CDH10: variants seen among roughly 807,000 people sequenced by gnomAD.
CDH10 encodes cadherin-10.
Under a neutral mutation model 73.1 loss-of-function variants are expected in CDH10, and 30 were observed. The observed-to-expected ratio is 0.41, with a 90% CI of 0.31 to 0.56. CDH10 has a LOEUF of 0.56. CDH10 is among the 20% of genes least tolerant of loss of function. The probability of loss-of-function intolerance (pLI) is 0.27; values close to 1 mark genes in which losing one functional copy is unlikely to be tolerated. For synonymous variants in CDH10, 345 were observed against 348.2 expected, an observed-to-expected ratio of 0.99 and a Z score of 0.10; for missense variants, 815 against 973.7, an observed-to-expected ratio of 0.84 and a Z score of 2.17.
At chr5:24,627,318 C>T (rs182604827) in intron 1 of CDH10, among the ~76,000 whole-genome samples, 2 of 151,986 alleles carry the variant, frequency 1.3e-5, no homozygotes, top group Non-Finnish European at 2.9e-5. Flanking sequence ...TAAAATATGA[C>T]ATATTTGGTG....
At chr5:24,564,131 AAT>A (rs1745080100) in intron 2 of CDH10, among the ~76,000 whole-genome samples, 1 of 152,280 alleles carries the variant, frequency 6.6e-6, no homozygotes, top group East Asian at 1.9e-4. Context: ...ATATCTCTGT[AAT>A]ATGTGTATTC....
At chr5:24,583,994 G>C (rs1317361316) in intron 2 of CDH10, among the ~76,000 whole-genome samples, 1 of 152,036 alleles carries the variant, frequency 6.6e-6, no homozygotes, top group Non-Finnish European at 1.5e-5. Context: ...TCTAATCCTG[G>C]AGTCATACGT....
At chr5:24,561,485 C>T (rs1034555151) in intron 2 of CDH10, among the ~76,000 whole-genome samples, 7 of 152,064 alleles carry the variant, frequency 4.6e-5, no homozygotes, top group Admixed American at 2.6e-4. Flanking sequence ...GGTAATTTGC[C>T]TGGCAATTAG....
rs1325253604 is a variant in CDH10, at chr5:24,542,378, C to T, written c.232-4704G>A. Among the ~76,000 whole-genome samples the T allele has an allele frequency of 3.3e-5, 5 of 152,194 alleles. No homozygotes were observed. The East Asian group carries it at 9.7e-4, about 29-fold the overall frequency. On this transcript the variant is annotated intron_variant, in intron 2 of 11. Coordinates refer to ENST00000264463, the MANE Select transcript of CDH10 (RefSeq NM_006727.5). ...GACAGATTGCATAGACAACAGCAGT[C>T]CCATAAGTTTATAATACTGTATTTT...
chr5:24,554,100 G>GC (rs1277922587), intron 2 of CDH10: 1 of 59,860 alleles, frequency 1.7e-5, no homozygotes, highest in Non-Finnish European at 3.4e-5. Flanking sequence ...AGAGAGAGAA[G>GC]GGGAGGTGGG....
At chr5:24,565,185 GGGA>G (rs1412094247) in intron 2 of CDH10, among the ~76,000 whole-genome samples, 1 of 152,142 alleles carries the variant, frequency 6.6e-6, no homozygotes, top group Non-Finnish European at 1.5e-5. Flanking sequence ...AGAAGAAAAA[GGGA>G]GGAGGAAAGA....
intron 5 of CDH10, among the ~76,000 whole-genome samples, chr5:24,521,024 G>A (rs1743310248): frequency 2.0e-5 from 3 of 151,968 alleles, no homozygotes; most frequent in African/African-American, 7.2e-5. Context: ...TTTTCAAGTT[G>A]AGAATTTAAA....
intron 5 of CDH10, among the ~76,000 whole-genome samples, chr5:24,516,318 G>A (rs907255527): frequency 1.3e-5 from 2 of 151,984 alleles, no homozygotes; most frequent in Non-Finnish European, 2.9e-5. Flanking sequence ...CGTTTGTTAA[G>A]TTACCATTTT....
rs1467740171 is a variant in CDH10 at position 24,488,151 on chromosome 5, T to A, written c.1879A>T (p.Ile627Leu). The change falls in exon 12 of 12, where the codon ATA (isoleucine) becomes TTA (leucine). Residue 627 changes from isoleucine (I) to leucine (L), a missense_variant and splice_region_variant. Transcript: ENST00000264463. ...ILLCIIILLV[I>L]VVLFAALKRQ... ...TTCAGAGCTGCAAACAGTACTACTA[T>A]AACTTGAAAAAAGACAAGAAGATAC... The A allele has an allele frequency of 1.3e-6, 2 of 1,593,704 alleles. No individual in the cohort carries two copies. Among genetic ancestry groups the A allele is most frequent in the Admixed American group, 3.6e-5 (2 of 54,996 alleles).
At chr5:24,560,142 T>C (rs1050327553) in intron 2 of CDH10, among the ~76,000 whole-genome samples, 1 of 152,140 alleles carries the variant, frequency 6.6e-6, no homozygotes, top group Non-Finnish European at 1.5e-5. Context: ...TTCTTCTTTT[T>C]TATTCTCCAG....
chr5:24,617,678 T>C (rs1747171114), intron 1 of CDH10, among the ~76,000 whole-genome samples: 1 of 152,206 alleles, frequency 6.6e-6, no homozygotes, highest in Admixed American at 6.5e-5. Flanking sequence ...CACAAATTAA[T>C]GGAAGATGTA....
chr5:24,563,627 G>T (rs1183302055), intron 2 of CDH10, among the ~76,000 whole-genome samples: 3 of 134,000 alleles, frequency 2.2e-5, no homozygotes, highest in African/African-American at 5.5e-5. Flanking sequence ...ATTAGCCGGC[G>T]TGGTGGCCGG....
chr5:24,537,178 T>C (rs1192319434), intron 3 of CDH10, among the ~76,000 whole-genome samples: 1 of 151,946 alleles, frequency 6.6e-6, no homozygotes, highest in African/African-American at 2.4e-5. Flanking sequence ...ATATGTATTA[T>C]AAAGATTCAC....
At chr5:24,619,471 G>A (rs1030986301) in intron 1 of CDH10, among the ~76,000 whole-genome samples, 5 of 152,112 alleles carry the variant, frequency 3.3e-5, no homozygotes, top group Non-Finnish European at 5.9e-5. Context: ...GGGATTACAG[G>A]CGTGAGCCAC....
chr5:24,506,531 C>T (rs984086630), intron 7 of CDH10, among the ~76,000 whole-genome samples: 2 of 152,156 alleles, frequency 1.3e-5, no homozygotes, highest in African/African-American at 4.8e-5. Flanking sequence ...TTTCCATTTA[C>T]CACATTGTGT....
intron 2 of CDH10, among the ~76,000 whole-genome samples, chr5:24,545,632 C>T (rs934578241): frequency 6.6e-6 from 1 of 151,892 alleles, no homozygotes; most frequent in African/African-American, 2.4e-5. Context: ...CTAGGCAACA[C>T]AGACTCCTCT....
chr5:24,532,555 G>A (rs2319470), intron 5 of CDH10, among the ~76,000 whole-genome samples: 65,995 of 151,794 alleles, frequency 0.43, 14,949 homozygotes, highest in East Asian at 0.58. Context: ...GCCACTAACC[G>A]TCATATAGCT....
At chr5:24,503,519 C>A (rs1742573894) in intron 8 of CDH10, among the ~76,000 whole-genome samples, 1 of 152,194 alleles carries the variant, frequency 6.6e-6, no homozygotes, top group Non-Finnish European at 1.5e-5. Flanking sequence ...TTTTAACAAG[C>A]ACCTGACATT....
chr5:24,561,603 C>T (rs1221572273), intron 2 of CDH10, among the ~76,000 whole-genome samples: 1 of 152,014 alleles, frequency 6.6e-6, no homozygotes, highest in Non-Finnish European at 1.5e-5. Context: ...CCCTTCTCTC[C>T]CACAATTAGG....
Sources: gnomAD v4.1 joint callset for allele counts (sites outside exome capture counted in the v4.1 genomes callset) on GRCh38, gnomAD v4.1.1 for gene constraint, MANE v1.5 for transcripts, NCBI Gene and HGNC (gene_info 2026-07-23, HGNC 2026-07-21) for gene names.